The following PTPRD variants were observed in gnomAD, a reference collection of about 807,000 sequenced individuals.
PTPRD encodes the protein receptor-type tyrosine-protein phosphatase delta.
In PTPRD, 34 loss-of-function variants were observed where a neutral mutation model predicts 214.5. That is an observed-to-expected ratio of 0.16 (90% CI 0.12 to 0.21). The LOEUF is 0.21. Ranked by LOEUF, PTPRD falls within the 10% of genes least tolerant of loss-of-function variation. The pLI, the probability that PTPRD is intolerant of heterozygous loss-of-function variation, is 1.00. For missense variants in PTPRD, 2,545 were observed against 2,398.7 expected (o/e 1.06, Z -1.27); for synonymous variants, 1,128 against 845.7 (o/e 1.33, Z -5.79).
chr9:10,201,319 A>G (rs147133576), intron 3 of PTPRD, among the ~76,000 whole-genome samples: 6 of 152,084 alleles, frequency 3.9e-5, no homozygotes, highest in Non-Finnish European at 7.4e-5. Context: ...TAGTTATGGC[A>G]TTAGTTATAA....
intron 11 of PTPRD, among the ~76,000 whole-genome samples, chr9:9,000,256 C>G (rs891847112): frequency 2.0e-5 from 3 of 152,000 alleles, no homozygotes; most frequent in African/African-American, 7.2e-5. Context: ...ATCCAAGTAC[C>G]CATAAAGGTC....
At chr9:9,655,114 G>T (rs2096475478) in intron 7 of PTPRD, among the ~76,000 whole-genome samples, 1 of 151,676 alleles carries the variant, frequency 6.6e-6, no homozygotes, top group Non-Finnish European at 1.5e-5. Context: ...TAATTAAATT[G>T]GTATCATAAC....
intron 2 of PTPRD, among the ~76,000 whole-genome samples, chr9:10,384,765 T>C (rs1026936602): frequency 1.4e-5 from 1 of 71,118 alleles, no homozygotes; most frequent in African/African-American, 8.4e-5. Flanking sequence ...TCTCTAAATT[T>C]GTCAGAAAAA....
chr9:9,092,729 A>G (rs1283751115), intron 10 of PTPRD, among the ~76,000 whole-genome samples: 1 of 152,094 alleles, frequency 6.6e-6, no homozygotes, highest in Non-Finnish European at 1.5e-5. Context: ...AACTTAATAA[A>G]CATCTATTGT....
At chr9:8,724,473 C>T (rs1290296729) in intron 12 of PTPRD, among the ~76,000 whole-genome samples, 1 of 152,206 alleles carries the variant, frequency 6.6e-6, no homozygotes, top group Non-Finnish European at 1.5e-5. Context: ...GCCACTCTGG[C>T]TGGCCTCCCT....
intron 14 of PTPRD, among the ~76,000 whole-genome samples, chr9:8,549,731 T>A (rs1302689130): frequency 6.6e-6 from 1 of 152,146 alleles, no homozygotes; most frequent in Non-Finnish European, 1.5e-5. Context: ...ATAGGAAATA[T>A]AAAATTATTC....
At chr9:9,728,314 A>T (rs1170318028) in intron 7 of PTPRD, among the ~76,000 whole-genome samples, 1 of 152,196 alleles carries the variant, frequency 6.6e-6, no homozygotes, top group Non-Finnish European at 1.5e-5. Flanking sequence ...ATTGACACAA[A>T]ATACTTTATG....
At chr9:10,611,212 C>G (rs1328958664) in intron 2 of PTPRD, among the ~76,000 whole-genome samples, 1 of 152,070 alleles carries the variant, frequency 6.6e-6, no homozygotes, top group African/African-American at 2.4e-5. Context: ...CTATTAGACT[C>G]TAGTCAGTAT....
intron 14 of PTPRD, among the ~76,000 whole-genome samples, chr9:8,623,726 T>C (rs557264160): frequency 7.8e-4 from 118 of 151,936 alleles, no homozygotes; most frequent in African/African-American, 1.2e-3. Flanking sequence ...CTCGACTTGA[T>C]AGACAGATGC....
chr9:9,598,280 G>T (rs1440559658), intron 7 of PTPRD, among the ~76,000 whole-genome samples: 1 of 151,932 alleles, frequency 6.6e-6, no homozygotes, highest in Admixed American at 6.6e-5. Flanking sequence ...CACCCCCTTG[G>T]ACAAGATGCC....
rs542774437 is a variant in PTPRD, at chr9:9,215,731, T to G, written c.-202-32368A>C. On this transcript the variant is annotated intron_variant, in intron 9 of 45. Coordinates refer to ENST00000381196, the MANE Select transcript of PTPRD (RefSeq NM_002839.4). ...CTTTACAAGTAACACATGTAGCTGTTCATGACTTTCTTCATTCCATCGTAC... is the reference window on the plus strand; with the variant it reads ...CTTTACAAGTAACACATGTAGCTGTGCATGACTTTCTTCATTCCATCGTAC... Among the ~76,000 whole-genome samples the G allele has an allele frequency of 5.3e-5, 8 of 152,196 alleles. No individual in the cohort carries two copies. The South Asian group carries it at 1.7e-3, about 31-fold the overall frequency.
chr9:9,872,479 T>C (rs916247717), intron 5 of PTPRD, among the ~76,000 whole-genome samples: 2 of 152,106 alleles, frequency 1.3e-5, no homozygotes, highest in African/African-American at 4.8e-5. Context: ...CACATATCTG[T>C]AGTCCCAGCT....
chr9:8,619,209 T>C (rs2095727339), intron 14 of PTPRD, among the ~76,000 whole-genome samples: 2 of 152,124 alleles, frequency 1.3e-5, no homozygotes, highest in South Asian at 4.1e-4. Flanking sequence ...TGTTTGAGAA[T>C]ACTTTGTACC....
chr9:9,044,842 G>A (rs986907185), intron 10 of PTPRD, among the ~76,000 whole-genome samples: 1 of 152,092 alleles, frequency 6.6e-6, no homozygotes, highest in Non-Finnish European at 1.5e-5. Flanking sequence ...AGCCTTGAGA[G>A]AACCAATGAA....
intron 3 of PTPRD, among the ~76,000 whole-genome samples, chr9:10,248,493 G>A (rs1329424481): frequency 9.3e-6 from 1 of 107,336 alleles, no homozygotes; most frequent in Non-Finnish European, 1.7e-5. Flanking sequence ...TCTACAGAAT[G>A]TCAAAGGGTA....
At chr9:10,288,607 A>G (rs887693689) in intron 3 of PTPRD, among the ~76,000 whole-genome samples, 7 of 152,344 alleles carry the variant, frequency 4.6e-5, no homozygotes, top group Middle Eastern at 3.4e-3. Flanking sequence ...AGGAAAGAAC[A>G]GCAGGAGAAT....
intron 6 of PTPRD, among the ~76,000 whole-genome samples, chr9:9,751,754 G>A (rs1212321258): frequency 6.6e-6 from 1 of 152,068 alleles, no homozygotes; most frequent in African/African-American, 2.4e-5. Flanking sequence ...CTAGGAGGGG[G>A]CGTGTCTCAT....
rs148907558 is a variant in PTPRD at position 9,755,719 on chromosome 9, C to T, written c.-326+11091G>A. ...TTGTATAAAAGAATACAAAGGCAAACGAAAAACACCTGAGGTTCTGATACA... is the reference window on the plus strand; with the variant it reads ...TTGTATAAAAGAATACAAAGGCAAATGAAAAACACCTGAGGTTCTGATACA... On this transcript the variant is annotated intron_variant, in intron 6 of 45. Coordinates refer to ENST00000381196, the MANE Select transcript of PTPRD (RefSeq NM_002839.4). Among the ~76,000 whole-genome samples, 1,230 of 151,920 alleles carry T rather than the reference C, an allele frequency of 8.1e-3. 8 individuals carry two copies. Among genetic ancestry groups the T allele is most frequent in the Middle Eastern group, 0.02 (6 of 294 alleles).
intron 34 of PTPRD, among the ~76,000 whole-genome samples, chr9:8,437,706 G>A (rs2095408892): frequency 6.6e-6 from 1 of 152,156 alleles, no homozygotes; most frequent in Admixed American, 6.5e-5. Flanking sequence ...CCACTAATGA[G>A]AAATGGATTC....
Sources: gnomAD v4.1 joint callset for allele counts (sites outside exome capture counted in the v4.1 genomes callset) on GRCh38, gnomAD v4.1.1 for gene constraint, MANE v1.5 for transcripts, NCBI Gene and HGNC (gene_info 2026-07-23, HGNC 2026-07-21) for gene names.